Variants in KCTD8 observed in about 807,000 individuals in gnomAD.
KCTD8 encodes the protein potassium channel tetramerization domain containing 8.
Under a neutral mutation model 31.5 loss-of-function variants are expected in KCTD8, and 27 were observed. That is an observed-to-expected ratio of 0.86 (90% CI 0.63 to 1.18). The LOEUF is 1.18. Ranked by LOEUF, KCTD8 falls within the 50% of genes most tolerant of loss-of-function variation. The pLI, the probability that KCTD8 is intolerant of heterozygous loss-of-function variation, is 0.00. For missense variants in KCTD8, 658 were observed against 647.7 expected, an observed-to-expected ratio of 1.02 and a Z score of -0.17; for synonymous variants, 290 against 280.0, an observed-to-expected ratio of 1.04 and a Z score of -0.36.
intron 1 of KCTD8, among the ~76,000 whole-genome samples, chr4:44,402,621 GC>G (rs1560446226): frequency 1.3e-5 from 2 of 152,036 alleles, no homozygotes; most frequent in South Asian, 4.2e-4. Flanking sequence ...TCCTGGGGGG[GC>G]CCTAGAAATG....
At chr4:44,247,866 G>A (rs1224513054) in intron 1 of KCTD8, among the ~76,000 whole-genome samples, 2 of 151,802 alleles carry the variant, frequency 1.3e-5, no homozygotes, top group Non-Finnish European at 2.9e-5. Flanking sequence ...TCGATCAACG[G>A]ATGTTTAGGT....
At chr4:44,206,790 T>C (rs1714326110) in intron 1 of KCTD8, among the ~76,000 whole-genome samples, 1 of 152,154 alleles carries the variant, frequency 6.6e-6, no homozygotes, top group African/African-American at 2.4e-5. Flanking sequence ...AAGGTGACCC[T>C]AGGGAAGTTA....
At chr4:44,301,375 C>T (rs1174917634) in intron 1 of KCTD8, among the ~76,000 whole-genome samples, 1 of 152,086 alleles carries the variant, frequency 6.6e-6, no homozygotes, top group Non-Finnish European at 1.5e-5. Flanking sequence ...CTCTCCAGCA[C>T]CTGTTGTTTC....
At chr4:44,432,428 C>T (rs1025515229) in intron 1 of KCTD8, among the ~76,000 whole-genome samples, 2 of 151,524 alleles carry the variant, frequency 1.3e-5, no homozygotes, top group Non-Finnish European at 3.0e-5. Flanking sequence ...TTATATTAGA[C>T]GTGTTCTAAA....
intron 1 of KCTD8, among the ~76,000 whole-genome samples, chr4:44,383,187 A>G: frequency 6.6e-6 from 1 of 152,090 alleles, no homozygotes; most frequent in Non-Finnish European, 1.5e-5. Flanking sequence ...CAAAAATGAA[A>G]GACATCCCAT....
At chr4:44,415,926 G>C (rs1721070170) in intron 1 of KCTD8, among the ~76,000 whole-genome samples, 1 of 152,274 alleles carries the variant, frequency 6.6e-6, no homozygotes, top group East Asian at 1.9e-4. Flanking sequence ...GTGAGAAGGG[G>C]GCTGCCATCC....
At chr4:44,248,760 A>G (rs997804002) in intron 1 of KCTD8, among the ~76,000 whole-genome samples, 3 of 151,878 alleles carry the variant, frequency 2.0e-5, no homozygotes, top group Non-Finnish European at 4.4e-5. Flanking sequence ...CTTTGGGATG[A>G]TGACACTGAG....
chr4:44,348,322 A>G (rs1235646953), intron 1 of KCTD8, among the ~76,000 whole-genome samples: 1 of 152,174 alleles, frequency 6.6e-6, no homozygotes, highest in Admixed American at 6.5e-5. Context: ...GCCGCTATCA[A>G]TGTAACATCG....
chr4:44,381,715 G>T (rs1467330906), intron 1 of KCTD8, among the ~76,000 whole-genome samples: 1 of 151,386 alleles, frequency 6.6e-6, no homozygotes, highest in Non-Finnish European at 1.5e-5. Context: ...CAATGGCTGA[G>T]TTCTCACTCT....
At chr4:44,205,911 C>T (rs1257699509) in intron 1 of KCTD8, among the ~76,000 whole-genome samples, 1 of 152,132 alleles carries the variant, frequency 6.6e-6, no homozygotes, top group Non-Finnish European at 1.5e-5. Context: ...ATGCTGTCCC[C>T]TCTAAAGCTA....
At chr4:44,255,201 A>G (rs1027263630) in intron 1 of KCTD8, among the ~76,000 whole-genome samples, 1 of 151,798 alleles carries the variant, frequency 6.6e-6, no homozygotes, top group African/African-American at 2.4e-5. Flanking sequence ...GAGAACTTGT[A>G]GCTCCAATAT....
chr4:44,362,652 TAATGGAAA>T (rs1719528635), intron 1 of KCTD8, among the ~76,000 whole-genome samples: 1 of 151,950 alleles, frequency 6.6e-6, no homozygotes. Flanking sequence ...GGTAGGAACA[TAATGGAAA>T]ATAAATATTT....
chr4:44,307,842 C>T (rs562368309), intron 1 of KCTD8, among the ~76,000 whole-genome samples: 2 of 151,796 alleles, frequency 1.3e-5, no homozygotes, highest in Non-Finnish European at 2.9e-5. Flanking sequence ...TGACTAAGTA[C>T]CTAAATAAAA....
intron 1 of KCTD8, among the ~76,000 whole-genome samples, chr4:44,257,392 G>A (rs1716020504): frequency 6.6e-6 from 1 of 151,890 alleles, no homozygotes; most frequent in Non-Finnish European, 1.5e-5. Context: ...TCTTTTCGAG[G>A]TCTTATTTAA....
intron 1 of KCTD8, among the ~76,000 whole-genome samples, chr4:44,395,915 A>G (rs906861998): frequency 6.6e-6 from 1 of 152,096 alleles, no homozygotes; most frequent in Non-Finnish European, 1.5e-5. Flanking sequence ...GGACAGGGGA[A>G]GAGGTTAGGG....
chr4:44,432,741 T>G (rs991608148), intron 1 of KCTD8, among the ~76,000 whole-genome samples: 1 of 151,676 alleles, frequency 6.6e-6, no homozygotes, highest in Non-Finnish European at 1.5e-5. Flanking sequence ...CCAGACTACC[T>G]CCAGTTCTGC....
chr4:44,301,113 T>A (rs898153045), intron 1 of KCTD8, among the ~76,000 whole-genome samples: 1 of 152,080 alleles, frequency 6.6e-6, no homozygotes, highest in Non-Finnish European at 1.5e-5. Context: ...ATCCAGTCTA[T>A]CGTTGTTGGA....
chr4:44,276,791 G>A (rs1163330990), intron 1 of KCTD8, among the ~76,000 whole-genome samples: 1 of 151,822 alleles, frequency 6.6e-6, no homozygotes, highest in Non-Finnish European at 1.5e-5. Context: ...CAAAATATTT[G>A]TTCTAAAATT....
chr4:44,258,539 T>C (rs1716064103), intron 1 of KCTD8, among the ~76,000 whole-genome samples: 2 of 151,906 alleles, frequency 1.3e-5, no homozygotes, highest in African/African-American at 4.8e-5. Context: ...TAATTTCTGG[T>C]TGTGTACCTA....
Sources: allele counts gnomAD v4.1 joint callset (sites outside exome capture counted in the v4.1 genomes callset), GRCh38; gene constraint gnomAD v4.1.1; transcripts MANE v1.5; gene names NCBI Gene and HGNC (gene_info 2026-07-23, HGNC 2026-07-21).